SLC12A7: variants seen among roughly 807,000 people sequenced by gnomAD.
SLC12A7 encodes K-Cl cotransporter 4.
In SLC12A7, 100 loss-of-function variants were observed where a neutral mutation model predicts 120.6. That is an observed-to-expected ratio of 0.83 (90% CI 0.71 to 0.98). The LOEUF is 0.98. Among genes scored for constraint, SLC12A7 ranks in the 50% least tolerant of loss-of-function variants. The pLI is 0.00. For synonymous variants in SLC12A7, 760 were observed against 678.0 expected (o/e 1.12, Z -1.88); for missense variants, 1,373 against 1,548.1 (o/e 0.89, Z 1.90).
intron 3 of SLC12A7, among the ~76,000 whole-genome samples, chr5:1,093,285 G>A (rs924985601): frequency 2.9e-4 from 44 of 152,150 alleles, no homozygotes; most frequent in Non-Finnish European, 5.3e-4. Context: ...TTCATTTCTC[G>A]ACAGGGAACC....
chr5:1,134,256 G>C, the SLC12A7 span, among the ~76,000 whole-genome samples: 1 of 151,978 alleles, frequency 6.6e-6, no homozygotes, highest in Non-Finnish European at 1.5e-5. Flanking sequence ...GATCACCTGA[G>C]GTCAGGAGTT....
chr5:1,053,589 C>G lies in SLC12A7; in HGVS notation c.3027-107G>C, dbSNP rs144249172. 396 of 1,394,526 alleles carry G rather than the reference C, an allele frequency of 2.8e-4. 2 individuals are homozygous for G. In the East Asian group the frequency reaches 8.0e-3, roughly 28 times the overall value. 86.4% of individuals were successfully genotyped at this position (1,394,526 alleles called of 1,614,324 possible). On this transcript the variant is annotated intron_variant, in intron 22 of 23. Coordinates refer to ENST00000264930, the MANE Select transcript of SLC12A7 (RefSeq NM_006598.3). ...CTGCATTCACACGTGTTGGAAAGGGCTGTGTGAGTCAGGATCAGGCGGATT... is the reference window on the plus strand; with the variant it reads ...CTGCATTCACACGTGTTGGAAAGGGGTGTGTGAGTCAGGATCAGGCGGATT...
the SLC12A7 span, among the ~76,000 whole-genome samples, chr5:1,127,199 G>A: frequency 6.6e-6 from 1 of 152,198 alleles, no homozygotes; most frequent in East Asian, 1.9e-4. Context: ...ATTTTTAGTA[G>A]AGACGGGGTT....
chr5:1,111,955 G>C lies in SLC12A7; in HGVS notation c.37C>G (p.His13Asp). Residue 13 changes from histidine (H) to aspartate (D), a missense_variant, in exon 1 of 24, where the codon CAC (histidine) becomes GAC (aspartate). Coordinates refer to ENST00000264930, the MANE Select transcript of SLC12A7 (RefSeq NM_006598.3). ...TNFTVVPVEA[H>D]ADGGGDETAE... is the part of the protein sequence containing the mutation. ...GTCTCGTCCCCGCCGCCGTCGGCGT[G>C]AGCCTCCACGGGCACCACGGTGAAG... The C allele has an allele frequency of 6.9e-6, 9 of 1,296,032 alleles. No homozygotes were observed. Among genetic ancestry groups the C allele is most frequent in the South Asian group, 2.7e-5 (1 of 36,886 alleles). The allele number at this position is 1,296,032 out of a possible 1,614,324, so 80.3% of individuals were successfully genotyped here.
rs558323940 is a variant in SLC12A7 at position 1,111,884 on chromosome 5, G to A, written c.108C>T (p.Pro36=). 2.4e-4 allele frequency: 292 copies of A among 1,222,646 alleles called. 1 individual carries two copies. In the African/African-American group the frequency reaches 4.3e-3, roughly 18 times the overall value. The allele number at this position is 1,222,646 out of a possible 1,614,324, so 75.7% of individuals were successfully genotyped here. The change falls in exon 1 of 24, where the codon CCC becomes CCT. Residue 36 remains proline (P), a synonymous_variant. Coordinates refer to ENST00000264930, the MANE Select transcript of SLC12A7 (RefSeq NM_006598.3). Reference sequence around the variant, plus strand: ...CGCGCTCACCCGGGCTGGGGCGCTCGGGCTCGGGGCCCTCGGGGGTGCCCG... The same window carrying A: ...CGCGCTCACCCGGGCTGGGGCGCTCAGGCTCGGGGCCCTCGGGGGTGCCCG... ...EAPGTPEGPE[P]ERPSPGDGNP... is the part of the protein sequence containing the mutation.
rs370522461 is a variant in SLC12A7, at chr5:1,093,660, G to A, written c.220-5C>T. The A allele has an allele frequency of 1.4e-5, 22 of 1,612,760 alleles. No individual in the cohort carries two copies. The highest frequency in any genetic ancestry group is 6.6e-5 in the South Asian group (6 of 91,060). Reference sequence around the variant, plus strand: ...GGGGTTACTGTCCATCTCCTCCTGCGCGGCGTGGACATGGTCACAGGCGGC... The same window carrying A: ...GGGGTTACTGTCCATCTCCTCCTGCACGGCGTGGACATGGTCACAGGCGGC... On this transcript the variant is annotated splice_polypyrimidine_tract_variant and splice_region_variant and intron_variant, in intron 2 of 23. Coordinates refer to ENST00000264930, the MANE Select transcript of SLC12A7 (RefSeq NM_006598.3).
intron 23 of SLC12A7, among the ~76,000 whole-genome samples, chr5:1,052,787 A>C (rs1004899051): frequency 1.3e-5 from 2 of 152,200 alleles, no homozygotes; most frequent in Non-Finnish European, 2.9e-5. Context: ...GACCTGGGCC[A>C]CGGATTCCGA....
chr5:1,062,611 G>A (rs1367998109), intron 20 of SLC12A7, among the ~76,000 whole-genome samples: 1 of 149,148 alleles, frequency 6.7e-6, no homozygotes, highest in East Asian at 2.0e-4. Context: ...GCCGTGCCTG[G>A]CCTCACTCAC....
At chr5:1,077,639 G>A (rs1347968242) in intron 12 of SLC12A7, among the ~76,000 whole-genome samples, 194 bp downstream of exon 12, 2 of 152,180 alleles carry the variant, frequency 1.3e-5, no homozygotes, top group East Asian at 1.9e-4. Context: ...AGGCAGGAGG[G>A]CTAGAATTGC....
intron 1 of SLC12A7, among the ~76,000 whole-genome samples, chr5:1,096,165 T>G (rs965177522): frequency 9.2e-5 from 14 of 152,354 alleles, no homozygotes; most frequent in Non-Finnish European, 1.6e-4. Context: ...GAAAGAAACG[T>G]GCTTGCTTTT....
At chr5:1,057,718 GC>G in intron 21 of SLC12A7, 69 bp from the exon 22 acceptor site, 1 of 1,462,790 alleles carries the variant, frequency 6.8e-7, no homozygotes, top group Non-Finnish European at 9.2e-7. Flanking sequence ...GACCCGGGAT[GC>G]CAGGCCGGAG....
At chr5:1,091,912 G>A (rs1043334035) in intron 3 of SLC12A7, among the ~76,000 whole-genome samples, 7 of 151,448 alleles carry the variant, frequency 4.6e-5, no homozygotes, top group Admixed American at 4.6e-4. Flanking sequence ...AGGGCTGGCC[G>A]AGCTACAGAC....
chr5:1,154,000 C>T, the SLC12A7 span, among the ~76,000 whole-genome samples: 1 of 152,106 alleles, frequency 6.6e-6, no homozygotes, highest in Non-Finnish European at 1.5e-5. Context: ...CAGCTGCCAC[C>T]TAGAAGGGCA....
At chr5:1,090,709 C>G (rs1404816788) in intron 3 of SLC12A7, among the ~76,000 whole-genome samples, 1 of 152,206 alleles carries the variant, frequency 6.6e-6, no homozygotes, top group African/African-American at 2.4e-5. Context: ...CCTCCAGGCT[C>G]AGCCTCAAAT....
intron 1 of SLC12A7, among the ~76,000 whole-genome samples, chr5:1,103,383 C>T (rs1046447113): frequency 4.6e-5 from 7 of 152,178 alleles, no homozygotes; most frequent in East Asian, 1.9e-4. Context: ...AAGGTCCTGG[C>T]AAGCTATGGC....
chr5:1,133,418 G>A, the SLC12A7 span, among the ~76,000 whole-genome samples: 1 of 152,156 alleles, frequency 6.6e-6, no homozygotes, highest in Non-Finnish European at 1.5e-5. Context: ...CAGCTCCCTG[G>A]AAACCCTGCC....
Position 1,074,630 on chromosome 5 carries a change from A to G in SLC12A7, c.2009T>C (p.Leu670Pro). 1 of 1,612,830 alleles carries G rather than the reference A, an allele frequency of 6.2e-7. No homozygotes were observed. The highest frequency in any genetic ancestry group is 8.5e-7 in the Non-Finnish European group (1 of 1,179,932). Residue 670 changes from leucine to proline, a missense_variant, in exon 16 of 24, where the codon CTG becomes CCG. Coordinates refer to ENST00000264930, the MANE Select transcript of SLC12A7 (RefSeq NM_006598.3). ...CAGCAGGGCGTAGCGGGCGGCGTTC[A>G]GGGATAGGCCACGGATGCCATCGCC... ...EWGDGIRGLS[L>P]NAARYALLRV...
At chr5:1,067,867 G>A (rs1420200781) in intron 17 of SLC12A7, among the ~76,000 whole-genome samples, 1 of 151,932 alleles carries the variant, frequency 6.6e-6, no homozygotes, top group African/African-American at 2.4e-5. Flanking sequence ...CACCGTGTCG[G>A]GGACCCTGTT....
Position 1,096,689 on chromosome 5 carries a change from G to A in SLC12A7, c.125-2441C>T, listed in dbSNP as rs968882215. ...GGAGGGAAGGAAGAAAGGAGGGAGGGGGGAAGGGAGGGAAGGAAGGAGGGA... is the reference window on the plus strand; with the variant it reads ...GGAGGGAAGGAAGAAAGGAGGGAGGAGGGAAGGGAGGGAAGGAAGGAGGGA... On this transcript the variant is annotated intron_variant, in intron 1 of 23. Transcript: ENST00000264930. Among the ~76,000 whole-genome samples the A allele has an allele frequency of 3.5e-5, 4 of 113,876 alleles. No homozygotes were observed. In the South Asian group the frequency reaches 1.0e-3, roughly 30 times the overall value. The allele number at this position is 113,876 out of a possible 152,430, so 74.7% of individuals were successfully genotyped here.
Sources: gnomAD v4.1 joint callset for allele counts (sites outside exome capture counted in the v4.1 genomes callset) on GRCh38, gnomAD v4.1.1 for gene constraint, MANE v1.5 for transcripts, NCBI Gene and HGNC (gene_info 2026-07-23, HGNC 2026-07-21) for gene names.